The following MRPS22 variants were observed in gnomAD, a reference collection of about 807,000 sequenced individuals.
The protein encoded by MRPS22 is small ribosomal subunit protein mS22.
In MRPS22, 30 loss-of-function variants were observed where a neutral mutation model predicts 44.0. That is an observed-to-expected ratio of 0.68 (90% CI 0.51 to 0.93). The LOEUF (loss-of-function observed/expected upper bound fraction) is 0.93. MRPS22 is among the 40% of genes least tolerant of loss of function. The pLI is 0.00. For synonymous variants in MRPS22, 165 were observed against 154.4 expected, an observed-to-expected ratio of 1.07 and a Z score of -0.51; for missense variants, 447 against 447.8, an observed-to-expected ratio of 1.00 and a Z score of 0.02.
intron 1 of MRPS22, chr3:139,344,804 A>G (rs761845196): frequency 6.6e-6 from 4 of 606,824 alleles, no homozygotes; most frequent in Non-Finnish European, 1.2e-5. Context: ...TGATTGGAAT[A>G]GAGGGTTGTC....
chr3:139,345,460 T>TG (rs1941024164), intron 1 of MRPS22, among the ~76,000 whole-genome samples: 1 of 149,132 alleles, frequency 6.7e-6, no homozygotes, highest in African/African-American at 2.4e-5. Flanking sequence ...GTTTTTTTTT[T>TG]TTTTTTGTAA....
rs528188203 is a variant in MRPS22 at position 139,347,323 on chromosome 3, T to C, written c.339+279T>C. Among the ~76,000 whole-genome samples, 7 of 152,278 alleles carry C rather than the reference T, an allele frequency of 4.6e-5. No homozygotes were observed. The South Asian group carries it at 1.5e-3, about 32-fold the overall frequency. On this transcript the variant is annotated intron_variant, in intron 2 of 7. Coordinates refer to ENST00000680020, the MANE Select transcript of MRPS22 (RefSeq NM_020191.4). ...CTGAGCACCCCTCCTTTTTTCTGCC[T>C]GCTCCAGCTTCCTTCCTGGAGAAAC... is the stretch of plus-strand genomic sequence containing the variant.
intron 6 of MRPS22, among the ~76,000 whole-genome samples, chr3:139,353,037 A>G (rs1338563112): frequency 1.3e-5 from 2 of 152,132 alleles, no homozygotes; most frequent in African/African-American, 4.8e-5. Context: ...TAAACCCTCA[A>G]TATTAACTTA....
chr3:139,346,540 T>A (rs1312404424), intron 1 of MRPS22, among the ~76,000 whole-genome samples: 1 of 152,204 alleles, frequency 6.6e-6, no homozygotes, highest in African/African-American at 2.4e-5. Flanking sequence ...TGTGAGTGGT[T>A]ATAAGCATTC....
chr3:139,355,392 T>C (rs1941228898), intron 6 of MRPS22, among the ~76,000 whole-genome samples: 1 of 152,174 alleles, frequency 6.6e-6, no homozygotes, highest in African/African-American at 2.4e-5. Context: ...GAAATGGTGC[T>C]CTTTTTCCAA....
Position 139,350,328 on chromosome 3 carries a change from G to A in MRPS22, c.648+6G>A, listed in dbSNP as rs746955422. 27 of 1,613,752 alleles carry A rather than the reference G, an allele frequency of 1.7e-5. 1 individual carries two copies. In the African/African-American group the frequency reaches 3.6e-4, roughly 22 times the overall value. On this transcript the variant is annotated splice_donor_region_variant and intron_variant, in intron 4 of 7. Transcript: ENST00000680020. ...TCAAGGAAGAAAATCTTAGGGTAAG[G>A]TGACTTAGGTTTTATGTTTTAGAGC...
chr3:139,344,892 T>A (rs1941009490), intron 1 of MRPS22, among the ~76,000 whole-genome samples: 1 of 152,108 alleles, frequency 6.6e-6, no homozygotes, highest in Non-Finnish European at 1.5e-5. Flanking sequence ...CAGGAGTAGA[T>A]GAGATCAGGA....
chr3:139,350,830 G>C (rs1412533509), intron 4 of MRPS22, 147 bp from the exon 5 acceptor site: 1 of 717,776 alleles, frequency 1.4e-6, no homozygotes, highest in Non-Finnish European at 2.6e-6. Flanking sequence ...ATCTAGGTGT[G>C]ACAATTACAA....
chr3:139,353,646 C>G (rs937592727), intron 6 of MRPS22, among the ~76,000 whole-genome samples: 3 of 152,034 alleles, frequency 2.0e-5, no homozygotes, highest in Non-Finnish European at 4.4e-5. Flanking sequence ...TAAAATCAGC[C>G]CATACTTGGA....
chr3:139,356,897 A>C, intron 7 of MRPS22, 22 bp from the exon 8 acceptor site: 1 of 1,567,904 alleles, frequency 6.4e-7, no homozygotes, highest in Non-Finnish European at 8.8e-7. Context: ...TTGTTTTAAA[A>C]TTTTCTTTTT....
intron 6 of MRPS22, 116 bp from the exon 7 acceptor site, chr3:139,355,566 C>T: frequency 1.1e-6 from 1 of 891,022 alleles, no homozygotes; most frequent in Non-Finnish European, 1.8e-6. Context: ...TCCCCAATCC[C>T]TCCAGCCTGA....
rs150629747 is a variant in MRPS22, at chr3:139,344,197, C to T, written c.171C>T (p.Ala57=). 89 of 1,605,548 alleles carry T rather than the reference C, an allele frequency of 5.5e-5. No homozygotes were observed. The African/African-American group carries it at 9.7e-4, about 18-fold the overall frequency. ...GLPRRRFSSE[A]AESGSPETKK... is the part of the protein sequence containing the mutation. ...CACGCCGCCGGTTCAGCTCCGAGGC[C>T]GGTAAGTGACCTTCCGGACTTTCGC... The change falls in exon 1 of 8, where the codon GCC becomes GCT. Residue 57 remains alanine, a splice_region_variant and synonymous_variant. Coordinates refer to ENST00000680020, the MANE Select transcript of MRPS22 (RefSeq NM_020191.4).
At chr3:139,346,041 G>A (rs548642730) in intron 1 of MRPS22, among the ~76,000 whole-genome samples, 8 of 152,146 alleles carry the variant, frequency 5.3e-5, no homozygotes, top group Non-Finnish European at 1.0e-4. Flanking sequence ...TAATGGAAAT[G>A]GAAGTAGAAG....
intron 3 of MRPS22, chr3:139,349,344 A>G (rs1210000418): frequency 2.2e-6 from 1 of 451,214 alleles, no homozygotes; most frequent in African/African-American, 2.0e-5. Context: ...TGGAAGTTTC[A>G]TCTATGTTAT....
chr3:139,356,171 CTT>C (rs1463329749), intron 7 of MRPS22, among the ~76,000 whole-genome samples: 1 of 152,194 alleles, frequency 6.6e-6, no homozygotes, highest in African/African-American at 2.4e-5. Flanking sequence ...AGCTTCCTGT[CTT>C]TGTGTGGTCA....
At chr3:139,350,920 G>A in intron 4 of MRPS22, 57 bp from the exon 5 acceptor site, 2 of 1,402,610 alleles carry the variant, frequency 1.4e-6, no homozygotes, top group South Asian at 2.3e-5. Flanking sequence ...ATGACATCAG[G>A]ACAGGTGCTG....
rs756844710 is a variant in MRPS22 at position 139,355,715 on chromosome 3, TCACGTG to T, written c.914_919del (p.His305_Val306del). On this transcript the variant is annotated inframe_deletion, in exon 7 of 8. Coordinates refer to ENST00000680020, the MANE Select transcript of MRPS22 (RefSeq NM_020191.4). ...ATGCAACCAACTTGGTCCAGCTGTA[TCACGTG>T]CTCCATCCAGATGGCCAGTCGGCTC... 10 of 1,614,042 alleles carry T rather than the reference TCACGTG, an allele frequency of 6.2e-6. No individual in the cohort carries two copies. The Admixed American group carries it at 6.7e-5, about 11-fold the overall frequency.
At chr3:139,353,961 T>C (rs1196529164) in intron 6 of MRPS22, among the ~76,000 whole-genome samples, 1 of 152,206 alleles carries the variant, frequency 6.6e-6, no homozygotes, top group Non-Finnish European at 1.5e-5. Context: ...AAAATTAAAG[T>C]TTATTAGGAT....
rs779079851 is a variant in MRPS22, at chr3:139,352,725, A to T, written c.811A>T (p.Met271Leu). ...LLRSTRYFGG[M>L]VWYFVNNKKI... ...ACGTTCAACAAGATACTTTGGTGGAATGGTGTGGTATTTTGTAAATAATAA... is the reference window on the plus strand; with the variant it reads ...ACGTTCAACAAGATACTTTGGTGGATTGGTGTGGTATTTTGTAAATAATAA... Residue 271 changes from methionine (M) to leucine (L), a missense_variant, in exon 6 of 8, where the codon ATG (methionine) becomes TTG (leucine). Met to Leu is a conservative substitution (Grantham distance 15). Transcript: ENST00000680020. 1.9e-6 allele frequency: 3 copies of T among 1,613,390 alleles called. No homozygotes were observed. The highest frequency in any genetic ancestry group is 1.7e-5 in the Admixed American group (1 of 60,022).
Sources: gnomAD v4.1 joint callset for allele counts (sites outside exome capture counted in the v4.1 genomes callset) on GRCh38, gnomAD v4.1.1 for gene constraint, MANE v1.5 for transcripts, NCBI Gene and HGNC (gene_info 2026-07-23, HGNC 2026-07-21) for gene names.